Variants in TNIK observed in about 807,000 individuals in gnomAD.
The protein encoded by TNIK is TRAF2 and NCK-interacting protein kinase.
A neutral mutation model predicts 191.3 loss-of-function variants in TNIK; 49 were observed. That is an observed-to-expected ratio of 0.26 (90% confidence interval 0.20 to 0.32). TNIK has a LOEUF of 0.32. Ranked by LOEUF, TNIK falls within the 10% of genes least tolerant of loss-of-function variation. The pLI is 1.00. For synonymous variants in TNIK, 594 were observed against 600.9 expected, an observed-to-expected ratio of 0.99 and a Z score of 0.17; for missense variants, 1,155 against 1,702.3, an observed-to-expected ratio of 0.68 and a Z score of 5.66.
rs545637236 is a variant in TNIK at position 171,124,700 on chromosome 3, A to G, written c.2014-998T>C. Among the ~76,000 whole-genome samples, 96 of 152,342 alleles carry G rather than the reference A, an allele frequency of 6.3e-4. 2 individuals carry two copies. The highest frequency in any genetic ancestry group is 6.3e-3 in the Admixed American group (96 of 15,296). ...ATGCTACTACCTGTTCAAATTAATT[A>G]TTACTATTTTTTCTTTTCCTTACCA... On this transcript the variant is annotated intron_variant, in intron 17 of 32. Coordinates refer to ENST00000436636, the MANE Select transcript of TNIK (RefSeq NM_015028.4).
intron 15 of TNIK, among the ~76,000 whole-genome samples, chr3:171,129,827 A>G (rs1729004381): frequency 6.6e-6 from 1 of 152,222 alleles, no homozygotes; most frequent in South Asian, 2.1e-4. Flanking sequence ...AATTTTAAAG[A>G]GAAACTTAGA....
chr3:171,173,567 G>A (rs1403444686), intron 9 of TNIK, among the ~76,000 whole-genome samples: 1 of 152,158 alleles, frequency 6.6e-6, no homozygotes, highest in Admixed American at 6.5e-5. Flanking sequence ...ATCTTTGCAA[G>A]AAAAAGGCCA....
At chr3:171,277,405 T>G (rs560916224) in intron 2 of TNIK, among the ~76,000 whole-genome samples, 2 of 152,138 alleles carry the variant, frequency 1.3e-5, no homozygotes, top group African/African-American at 4.8e-5. Flanking sequence ...TCAGAATAGC[T>G]AAAAGAGAAA....
rs190903310 is a variant in TNIK at position 171,381,263 on chromosome 3, A to G, written c.58-11578T>C. Among the ~76,000 whole-genome samples the G allele has an allele frequency of 4.5e-4, 69 of 152,300 alleles. 1 individual carries two copies. Among genetic ancestry groups the G allele is most frequent in the Admixed American group, 1.1e-3 (17 of 15,296 alleles). On this transcript the variant is annotated intron_variant, in intron 1 of 32. Coordinates refer to ENST00000436636, the MANE Select transcript of TNIK (RefSeq NM_015028.4). ...CCCTCCAGATTTCCATGGGTGTTGAATTTCCACTGTCAAATAAGTTTGGGA... is the reference window on the plus strand; with the variant it reads ...CCCTCCAGATTTCCATGGGTGTTGAGTTTCCACTGTCAAATAAGTTTGGGA...
At chr3:171,415,929 T>C (rs957596724) in intron 1 of TNIK, among the ~76,000 whole-genome samples, 5 of 113,502 alleles carry the variant, frequency 4.4e-5, no homozygotes, top group African/African-American at 1.7e-4. Flanking sequence ...TTAGCTGAGA[T>C]CACACCACTG....
chr3:171,373,089 T>C (rs957860909), intron 1 of TNIK, among the ~76,000 whole-genome samples: 8 of 152,168 alleles, frequency 5.3e-5, no homozygotes, highest in Non-Finnish European at 7.3e-5. Flanking sequence ...ATTTCATCAT[T>C]AGTTACATCC....
chr3:171,242,706 ATCTG>A (rs1046527366), intron 2 of TNIK, among the ~76,000 whole-genome samples: 38 of 152,280 alleles, frequency 2.5e-4, no homozygotes, highest in African/African-American at 8.9e-4. Context: ...TAACCAGAAA[ATCTG>A]TCTTAGATTT....
At chr3:171,209,589 A>G (rs1203630289) in intron 4 of TNIK, among the ~76,000 whole-genome samples, 1 of 152,050 alleles carries the variant, frequency 6.6e-6, no homozygotes, top group African/African-American at 2.4e-5. Flanking sequence ...TTCTCCCACT[A>G]CTTTTATATG....
chr3:171,364,010 A>G (rs1047665537), intron 2 of TNIK, among the ~76,000 whole-genome samples: 9 of 152,258 alleles, frequency 5.9e-5, no homozygotes, highest in African/African-American at 1.9e-4. Flanking sequence ...CAAAAAGTAT[A>G]GGATTAGCAT....
At chr3:171,218,629 C>T (rs567794347) in intron 3 of TNIK, among the ~76,000 whole-genome samples, 1 of 150,224 alleles carries the variant, frequency 6.7e-6, no homozygotes, top group African/African-American at 2.4e-5. Context: ...CTCTGTGGCC[C>T]TGTAATTTCA....
chr3:171,167,038 G>T (rs1446252266), intron 10 of TNIK, 57 bp downstream of exon 10: 9 of 1,562,120 alleles, frequency 5.8e-6, no homozygotes, highest in Non-Finnish European at 7.8e-6. Flanking sequence ...TACATCAAGC[G>T]CCCATGATTC....
intron 2 of TNIK, among the ~76,000 whole-genome samples, chr3:171,272,953 A>G (rs1032349972): frequency 1.3e-5 from 2 of 152,224 alleles, no homozygotes; most frequent in East Asian, 3.8e-4. Flanking sequence ...TAGATATTCC[A>G]GTCTTCACAG....
At chr3:171,096,938 A>G (rs1722809749) in intron 22 of TNIK, among the ~76,000 whole-genome samples, 1 of 152,204 alleles carries the variant, frequency 6.6e-6, no homozygotes, top group African/African-American at 2.4e-5. Flanking sequence ...CTATCAGGAT[A>G]TTATTTGGAT....
Position 171,250,820 on chromosome 3 carries a change from T to A in TNIK, c.124-22599A>T, listed in dbSNP as rs554656423. The stretch of plus-strand genomic sequence containing the variant: ...GCTCTAAAAATGCTACAAACTTCCA[T>A]TATTATTCTACATTTGGGATTTCTG... On this transcript the variant is annotated intron_variant, in intron 2 of 32. Coordinates refer to ENST00000436636, the MANE Select transcript of TNIK (RefSeq NM_015028.4). Among the ~76,000 whole-genome samples the A allele has an allele frequency of 4.6e-5, 7 of 152,382 alleles. No individual in the cohort carries two copies. In the South Asian group the frequency reaches 1.4e-3, roughly 32 times the overall value.
chr3:171,134,278 CCTGT>C (rs2108606020), intron 15 of TNIK, among the ~76,000 whole-genome samples: 1 of 152,290 alleles, frequency 6.6e-6, no homozygotes, highest in South Asian at 2.1e-4. Context: ...ATGCCCCCAA[CCTGT>C]CTATTTATTT....
At chr3:171,347,074 A>T in intron 2 of TNIK, 1 of 1,461,202 alleles carries the variant, frequency 6.8e-7, no homozygotes, top group Non-Finnish European at 9.1e-7. Flanking sequence ...GGTGGCAGAG[A>T]CAGAAAACAG....
intron 2 of TNIK, among the ~76,000 whole-genome samples, chr3:171,258,949 A>G (rs1416680056): frequency 6.6e-6 from 1 of 152,202 alleles, no homozygotes; most frequent in African/African-American, 2.4e-5. Flanking sequence ...GTGCGCGCAC[A>G]CACACGCAAA....
In TNIK at chr3:171,061,795, TGAATTTGTGGCATG is replaced by T. The variant is rs1185925278; in HGVS notation, c.*2072_*2085del. 2.0e-5 allele frequency: 3 copies of T among 152,202 alleles called. No individual in the cohort carries two copies. Among genetic ancestry groups the T allele is most frequent in the Non-Finnish European group, 2.9e-5 (2 of 68,030 alleles). The allele number at this position is 152,202 out of a possible 1,614,324, so 9.4% of individuals were successfully genotyped here. A position where few individuals can be genotyped will look rare whatever the true frequency, so the allele number is the denominator to read the frequency against. ...TAAATTCAATCCAAAAAGTTATTGC[TGAATTTGTGGCATG>T]GAATTTGAGAAGATAGTATTGTTCA... On this transcript the variant is annotated 3_prime_UTR_variant, in exon 33 of 33. Coordinates refer to ENST00000436636, the MANE Select transcript of TNIK (RefSeq NM_015028.4).
intron 2 of TNIK, among the ~76,000 whole-genome samples, chr3:171,312,487 G>A (rs1754148343): frequency 6.6e-6 from 1 of 151,948 alleles, no homozygotes; most frequent in African/African-American, 2.4e-5. Flanking sequence ...TAATACTCAG[G>A]TTTTAACGAC....
Sources: gnomAD v4.1 joint callset for allele counts (sites outside exome capture counted in the v4.1 genomes callset) on GRCh38, gnomAD v4.1.1 for gene constraint, MANE v1.5 for transcripts, NCBI Gene and HGNC (gene_info 2026-07-23, HGNC 2026-07-21) for gene names.